The following RANBP2 variants were observed in gnomAD, a reference collection of about 807,000 sequenced individuals.
RANBP2 encodes the protein RAN binding protein 2, also known as E3 SUMO-protein ligase RanBP2.
A neutral mutation model predicts 303.6 loss-of-function variants in RANBP2; 57 were observed. The observed-to-expected ratio is 0.19, with a 90% CI of 0.15 to 0.23. The LOEUF (loss-of-function observed/expected upper bound fraction) is 0.23, where lower values mean the gene tolerates loss of function less well. Ranked by LOEUF, RANBP2 falls within the 10% of genes least tolerant of loss-of-function variation. The pLI is 1.00. For synonymous variants in RANBP2, 1,167 were observed against 1,301.5 expected (o/e 0.90, Z 2.23); for missense variants, 3,138 against 3,780.8 (o/e 0.83, Z 4.46).
chr2:108,811,350 C>T, the RANBP2 span, among the ~76,000 whole-genome samples: 5 of 145,022 alleles, frequency 3.4e-5, no homozygotes, highest in South Asian at 2.3e-4. Context: ...GCTTAAACCA[C>T]GCTTCTGCTT....
At chr2:109,358,558 C>T in the RANBP2 span, among the ~76,000 whole-genome samples, 2 of 152,238 alleles carry the variant, frequency 1.3e-5, no homozygotes, top group Non-Finnish European at 2.9e-5. Flanking sequence ...CTCATCAACA[C>T]ACTACACACT....
At chr2:109,618,505 A>G in the RANBP2 span, 3 of 167,076 alleles carry the variant, frequency 1.8e-5, no homozygotes, top group African/African-American at 7.2e-5. Context: ...TTAAATTTTC[A>G]AAAACCCATT....
chr2:109,010,653 C>T, the RANBP2 span, among the ~76,000 whole-genome samples: 2 of 152,136 alleles, frequency 1.3e-5, no homozygotes, highest in Non-Finnish European at 2.9e-5. Flanking sequence ...AATCACCTCC[C>T]AAAGACCCCA....
At chr2:109,510,939 G>T in the RANBP2 span, among the ~76,000 whole-genome samples, 1 of 152,210 alleles carries the variant, frequency 6.6e-6, no homozygotes, top group Non-Finnish European at 1.5e-5. Context: ...GCAAGTGCGT[G>T]TTAAGCATGT....
At chr2:108,758,373 T>G (rs745318159) in intron 17 of RANBP2, 40 bp from the exon 18 acceptor site, 3 of 1,611,142 alleles carry the variant, frequency 1.9e-6, no homozygotes, top group Non-Finnish European at 2.5e-6. Flanking sequence ...ATGATATAAT[T>G]AAATGTTTAA....
chr2:109,763,962 A>G, the RANBP2 span, among the ~76,000 whole-genome samples: 1 of 145,490 alleles, frequency 6.9e-6, no homozygotes, highest in African/African-American at 2.5e-5. Flanking sequence ...AATATAATCA[A>G]TATACACAAT....
At chr2:109,379,279 A>G in the RANBP2 span, among the ~76,000 whole-genome samples, 3 of 152,336 alleles carry the variant, frequency 2.0e-5, no homozygotes, top group East Asian at 1.9e-4. Context: ...CCAGGGCTCA[A>G]TCTCTCCAGC....
At chr2:109,722,223 C>T in the RANBP2 span, among the ~76,000 whole-genome samples, 1 of 152,198 alleles carries the variant, frequency 6.6e-6, no homozygotes, top group Non-Finnish European at 1.5e-5. Context: ...GCCCAGAGAA[C>T]TTGTTGAAGA....
the RANBP2 span, among the ~76,000 whole-genome samples, chr2:109,717,272 CAAAAA>C: frequency 8.0e-6 from 1 of 124,794 alleles, no homozygotes; most frequent in South Asian, 2.7e-4. Flanking sequence ...AAAAACAAAC[CAAAAA>C]AAAAAAAAAA....
At chr2:109,245,282 G>C in the RANBP2 span, among the ~76,000 whole-genome samples, 1 of 151,936 alleles carries the variant, frequency 6.6e-6, no homozygotes, top group East Asian at 1.9e-4. Context: ...AGAGCTGTCT[G>C]CTGCCATGGT....
At chr2:109,466,602 C>CT in the RANBP2 span, among the ~76,000 whole-genome samples, 1 of 151,692 alleles carries the variant, frequency 6.6e-6, no homozygotes. Flanking sequence ...AATTTATTAA[C>CT]TATTTCATGA....
Position 108,764,874 on chromosome 2 carries a change from C to G in RANBP2, c.4335C>G (p.Asn1445Lys). 1 of 1,613,922 alleles carries G rather than the reference C, an allele frequency of 6.2e-7. No homozygotes were observed. Among genetic ancestry groups the G allele is most frequent in the Non-Finnish European group, 8.5e-7 (1 of 1,179,882 alleles). Reference sequence around the variant, plus strand: ...CGTGTCAGAATACAAAATCTGCTAACAAAAGTGGATCTTCATTTGTTCATC... The same window carrying G: ...CGTGTCAGAATACAAAATCTGCTAAGAAAAGTGGATCTTCATTTGTTCATC... ...CIACQNTKSA[N>K]KSGSSFVHQA... Residue 1445 changes from asparagine (N) to lysine (K), a missense_variant, in exon 20 of 29, where the codon AAC becomes AAG. Physicochemically the swap from Asn to Lys is moderately conservative, Grantham distance 94 (BLOSUM62 0). Transcript: ENST00000283195.
At chr2:109,499,345 G>A in the RANBP2 span, among the ~76,000 whole-genome samples, 1 of 152,206 alleles carries the variant, frequency 6.6e-6, no homozygotes, top group African/African-American at 2.4e-5. Context: ...GTCAGCCAGG[G>A]GTTTTTAGGC....
At chr2:108,771,928 G>A in intron 21 of RANBP2, 57 bp downstream of exon 21, 1 of 1,605,324 alleles carries the variant, frequency 6.2e-7, no homozygotes, top group Non-Finnish European at 8.5e-7. Context: ...GTAAAATTGG[G>A]AGTATGGTTT....
At chr2:108,962,674 CAAA>C in the RANBP2 span, among the ~76,000 whole-genome samples, 218 of 66,822 alleles carry the variant, frequency 3.3e-3, 6 homozygotes, top group African/African-American at 0.015. Flanking sequence ...GACTCTGTCT[CAAA>C]AAAAAAAAAA....
At chr2:109,591,052 C>T in the RANBP2 span, among the ~76,000 whole-genome samples, 1 of 152,136 alleles carries the variant, frequency 6.6e-6, no homozygotes, top group Non-Finnish European at 1.5e-5. Flanking sequence ...AAATTTGTGA[C>T]GATTTGTTAT....
chr2:109,055,345 G>T, the RANBP2 span, among the ~76,000 whole-genome samples: 1 of 144,800 alleles, frequency 6.9e-6, no homozygotes, highest in Admixed American at 7.4e-5. Context: ...TATATGTCTT[G>T]CCTTTTCTAT....
chr2:109,072,447 G>A, the RANBP2 span, among the ~76,000 whole-genome samples: 5 of 152,150 alleles, frequency 3.3e-5, no homozygotes, highest in African/African-American at 4.8e-5. Context: ...CCACATGCTT[G>A]GGAGAGCACC....
the RANBP2 span, among the ~76,000 whole-genome samples, chr2:109,270,529 A>G: frequency 2.0e-5 from 3 of 152,252 alleles, no homozygotes; most frequent in East Asian, 1.9e-4. Context: ...GAACCCATCC[A>G]TTCCTCTGTG....
Sources: allele counts gnomAD v4.1 joint callset (sites outside exome capture counted in the v4.1 genomes callset), GRCh38; gene constraint gnomAD v4.1.1; transcripts MANE v1.5; gene names NCBI Gene and HGNC (gene_info 2026-07-23, HGNC 2026-07-21).